FHIT: variants seen among roughly 807,000 people sequenced by gnomAD.
The protein encoded by FHIT is bis(5'-adenosyl)-triphosphatase.
A neutral mutation model predicts 17.9 loss-of-function variants in FHIT; 19 were observed. The ratio of observed to expected loss-of-function variants is 1.06; its 90% CI spans 0.74 to 1.56. FHIT has a LOEUF of 1.56. FHIT is among the 40% of genes most tolerant of loss of function. FHIT has a pLI of 0.00. For synonymous variants in FHIT, 81 were observed against 69.7 expected (o/e 1.16, Z -0.81); for missense variants, 248 against 189.2 (o/e 1.31, Z -1.82).
At chr3:60,711,028 T>C (rs576285683) in intron 4 of FHIT, among the ~76,000 whole-genome samples, 5 of 152,072 alleles carry the variant, frequency 3.3e-5, no homozygotes, top group African/African-American at 9.6e-5. Flanking sequence ...CACCCCCCAG[T>C]AGGGGCAGAC....
chr3:61,209,955 G>C (rs990492657), intron 1 of FHIT, among the ~76,000 whole-genome samples: 19 of 152,150 alleles, frequency 1.2e-4, no homozygotes, highest in Middle Eastern at 3.4e-3. Flanking sequence ...ATCTACCTTT[G>C]GTCTTTGATG....
intron 1 of FHIT, among the ~76,000 whole-genome samples, chr3:61,209,045 G>A (rs1051130450): frequency 6.6e-5 from 10 of 152,006 alleles, no homozygotes; most frequent in Admixed American, 5.2e-4. Context: ...TTGCTTGTCT[G>A]TAAAGGATTT....
At chr3:59,839,252 A>G (rs1201700451) in intron 8 of FHIT, among the ~76,000 whole-genome samples, 1 of 151,326 alleles carries the variant, frequency 6.6e-6, no homozygotes, top group East Asian at 1.9e-4. Context: ...CGGGATGCAG[A>G]GGTTGCAGTG....
intron 5 of FHIT, among the ~76,000 whole-genome samples, chr3:60,347,061 T>C (rs1474594943): frequency 2.5e-5 from 1 of 39,252 alleles, no homozygotes; most frequent in East Asian, 7.7e-4. Flanking sequence ...ACTTTTATGA[T>C]ATTCTTGAAT....
Position 60,659,273 on chromosome 3 carries a change from T to C in FHIT, c.-17-122294A>G, listed in dbSNP as rs568704584. Among the ~76,000 whole-genome samples the C allele has an allele frequency of 2.0e-4, 30 of 152,194 alleles. No homozygotes were observed. In the South Asian group the frequency reaches 4.8e-3, roughly 24 times the overall value. ...GGGGTGGATCTCTTTGAGTTCATCC[T>C]ATTTGGAATTCATTGAGCTTCTTGG... is the stretch of plus-strand genomic sequence containing the variant. On this transcript the variant is annotated intron_variant, in intron 4 of 9. Coordinates refer to ENST00000492590, the MANE Select transcript of FHIT (RefSeq NM_002012.4).
At chr3:61,153,142 C>CAAAAAAAAAAAAAAAAAAAAAAAAAAA (rs372065718) in intron 2 of FHIT, among the ~76,000 whole-genome samples, 1 of 78,382 alleles carries the variant, frequency 1.3e-5, no homozygotes, top group African/African-American at 4.1e-5. Context: ...GACTCCATCT[C>CAAAAAAAAAAAAAAAAAAAAAAAAAAA]AAAAAAAAAA....
chr3:60,063,701 C>A (rs972726725), intron 5 of FHIT, among the ~76,000 whole-genome samples: 1 of 152,180 alleles, frequency 6.6e-6, no homozygotes, highest in Non-Finnish European at 1.5e-5. Context: ...AATTCACAAA[C>A]CCTTTAACCC....
At chr3:61,007,706 C>T (rs1428514994) in intron 3 of FHIT, among the ~76,000 whole-genome samples, 2 of 152,170 alleles carry the variant, frequency 1.3e-5, no homozygotes, top group Non-Finnish European at 2.9e-5. Context: ...CCCTACACTT[C>T]AGAAGCTGTT....
At chr3:61,229,117 C>T (rs557133252) in intron 1 of FHIT, among the ~76,000 whole-genome samples, 1 of 152,052 alleles carries the variant, frequency 6.6e-6, no homozygotes, top group Admixed American at 6.5e-5. Context: ...ATCCCTGGAG[C>T]CTGCAAATAT....
chr3:60,608,503 G>A (rs1234354707), intron 4 of FHIT, among the ~76,000 whole-genome samples: 3 of 152,086 alleles, frequency 2.0e-5, no homozygotes, highest in African/African-American at 7.2e-5. Flanking sequence ...CAGCTCTCTG[G>A]GGTGCTACAT....
At chr3:60,386,359 G>C (rs1390459378) in intron 5 of FHIT, among the ~76,000 whole-genome samples, 4 of 152,156 alleles carry the variant, frequency 2.6e-5, no homozygotes, top group African/African-American at 9.7e-5. Flanking sequence ...AGGGATTCAA[G>C]GACTTAGAAC....
intron 2 of FHIT, among the ~76,000 whole-genome samples, chr3:61,139,774 T>G (rs2037023014): frequency 6.6e-6 from 1 of 152,138 alleles, no homozygotes; most frequent in South Asian, 2.1e-4. Flanking sequence ...AAGTAGGGTT[T>G]GCGGTACACA....
chr3:60,208,081 T>C (rs768997944), intron 5 of FHIT, among the ~76,000 whole-genome samples: 90 of 152,300 alleles, frequency 5.9e-4, no homozygotes, highest in Non-Finnish European at 1.2e-3. Context: ...TTATGACCTA[T>C]TACCAGTGGT....
chr3:60,332,686 T>C (rs1710045111), intron 5 of FHIT, among the ~76,000 whole-genome samples: 1 of 152,124 alleles, frequency 6.6e-6, no homozygotes, highest in South Asian at 2.1e-4. Context: ...TTGGGGAGAA[T>C]CGTTTTCAAC....
intron 2 of FHIT, among the ~76,000 whole-genome samples, chr3:61,076,092 A>G (rs185138729): frequency 1.3e-5 from 2 of 152,324 alleles, no homozygotes; most frequent in South Asian, 2.1e-4. Context: ...ACCTAAGGTT[A>G]TAAAGGTAGC....
chr3:59,784,007 T>C (rs947494384), intron 8 of FHIT, among the ~76,000 whole-genome samples: 1 of 151,960 alleles, frequency 6.6e-6, no homozygotes, highest in African/African-American at 2.4e-5. Context: ...GGGGACCGAG[T>C]TGAAAGATGA....
chr3:60,384,245 T>C (rs1700917514), intron 5 of FHIT, among the ~76,000 whole-genome samples: 1 of 148,666 alleles, frequency 6.7e-6, no homozygotes, highest in South Asian at 2.1e-4. Flanking sequence ...TCCAGCCTGG[T>C]GACAGACCAA....
chr3:61,068,814 A>C (rs1322178820), intron 2 of FHIT, among the ~76,000 whole-genome samples: 1 of 152,152 alleles, frequency 6.6e-6, no homozygotes, highest in Non-Finnish European at 1.5e-5. Flanking sequence ...AAGTCAATGA[A>C]AGCTTTTAAC....
chr3:60,198,273 G>T (rs1702736905), intron 5 of FHIT, among the ~76,000 whole-genome samples: 1 of 151,988 alleles, frequency 6.6e-6, no homozygotes, highest in Non-Finnish European at 1.5e-5. Context: ...AGTCACAAAT[G>T]GTTATTGTAA....
Sources: allele counts gnomAD v4.1 joint callset (sites outside exome capture counted in the v4.1 genomes callset), GRCh38; gene constraint gnomAD v4.1.1; transcripts MANE v1.5; gene names NCBI Gene and HGNC (gene_info 2026-07-23, HGNC 2026-07-21).